SLX9: variants seen among roughly 807,000 people sequenced by gnomAD.
SLX9 encodes the protein ribosome biogenesis protein SLX9 homolog.
SLX9 carries 19 observed loss-of-function variants against 20.8 expected under a neutral mutation model. That is an observed-to-expected ratio of 0.91 (90% CI 0.64 to 1.34). The LOEUF (loss-of-function observed/expected upper bound fraction) is 1.34, where lower values mean the gene tolerates loss of function less well. Ranked by LOEUF, SLX9 falls within the 40% of genes most tolerant of loss-of-function variation. The pLI is 0.00. For synonymous variants in SLX9, 113 were observed against 137.1 expected (o/e 0.82, Z 1.23); for missense variants, 299 against 322.2 (o/e 0.93, Z 0.55).
chr21:44,971,771 C>G (rs1010321204), intron 4 of SLX9, among the ~76,000 whole-genome samples: 6 of 152,248 alleles, frequency 3.9e-5, no homozygotes, highest in African/African-American at 1.4e-4. Flanking sequence ...GAGGGAGCTG[C>G]TGCTCAGGGG....
intron 4 of SLX9, among the ~76,000 whole-genome samples, chr21:44,972,725 C>G (rs917646173): frequency 6.6e-6 from 1 of 152,170 alleles, no homozygotes; most frequent in Non-Finnish European, 1.5e-5. Context: ...CTCAGCCTTC[C>G]TGGGAAGTGG....
At chr21:44,970,866 ACCCTCAGTC>A (rs370181179) in intron 4 of SLX9, among the ~76,000 whole-genome samples, 1,846 of 152,002 alleles carry the variant, frequency 0.012, 35 homozygotes, top group African/African-American at 0.041. Flanking sequence ...GCCCCTCCCA[ACCCTCAGTC>A]CCCTCAGTCC....
At chr21:44,972,604 C>T (rs1259804632) in intron 4 of SLX9, among the ~76,000 whole-genome samples, 2 of 152,202 alleles carry the variant, frequency 1.3e-5, no homozygotes, top group Admixed American at 6.5e-5. Context: ...GGGTCCACGC[C>T]CCTGTCCCCA....
chr21:44,958,795 G>A (rs1007935364), intron 2 of SLX9, among the ~76,000 whole-genome samples: 2 of 152,186 alleles, frequency 1.3e-5, no homozygotes, highest in Admixed American at 1.3e-4. Flanking sequence ...TTTGGTTCCT[G>A]TTGTCCTGGT....
At chr21:44,963,758 A>G (rs555519450) in intron 3 of SLX9, among the ~76,000 whole-genome samples, 3 of 152,138 alleles carry the variant, frequency 2.0e-5, no homozygotes, top group East Asian at 3.8e-4. Flanking sequence ...CTTCTGTTCC[A>G]TTGATCTATT....
At chr21:44,967,357 G>A (rs2085057103) in intron 4 of SLX9, among the ~76,000 whole-genome samples, 176 bp downstream of exon 4, 1 of 152,212 alleles carries the variant, frequency 6.6e-6, no homozygotes, top group Non-Finnish European at 1.5e-5. Context: ...GTGAGCTCGT[G>A]AGGCCCGTGG....
At chr21:44,967,818 G>A (rs1275591751) in intron 4 of SLX9, among the ~76,000 whole-genome samples, 3 of 152,178 alleles carry the variant, frequency 2.0e-5, no homozygotes, top group Middle Eastern at 3.2e-3. Context: ...TGCCTCGTGC[G>A]TCCTCCCCAG....
intron 2 of SLX9, among the ~76,000 whole-genome samples, chr21:44,951,876 T>A (rs1444472275): frequency 6.7e-6 from 1 of 148,686 alleles, no homozygotes; most frequent in Non-Finnish European, 1.5e-5. Flanking sequence ...GCCCGTCGTG[T>A]GTGGGTTTAT....
intron 3 of SLX9, among the ~76,000 whole-genome samples, chr21:44,961,041 T>C (rs909394140): frequency 2.0e-5 from 3 of 152,228 alleles, no homozygotes. Flanking sequence ...TTTGTGATTA[T>C]TAGTTTTATG....
intron 4 of SLX9, among the ~76,000 whole-genome samples, chr21:44,970,623 C>T (rs2085126197): frequency 6.6e-6 from 1 of 152,298 alleles, no homozygotes; most frequent in Middle Eastern, 3.4e-3. Flanking sequence ...ATCTTGGTCC[C>T]GGCAGGCAGG....
intron 2 of SLX9, among the ~76,000 whole-genome samples, chr21:44,957,825 G>A (rs1405258649): frequency 6.6e-6 from 1 of 152,232 alleles, no homozygotes; most frequent in East Asian, 1.9e-4. Flanking sequence ...TCAGTTTAAT[G>A]GGGACTTGCC....
At chr21:44,970,741 C>G (rs1352495985) in intron 4 of SLX9, among the ~76,000 whole-genome samples, 1 of 152,214 alleles carries the variant, frequency 6.6e-6, no homozygotes, top group Non-Finnish European at 1.5e-5. Context: ...GCCTCTCCCT[C>G]CCAGCCTGGA....
chr21:44,957,512 C>T (rs2084880138), intron 2 of SLX9, among the ~76,000 whole-genome samples: 1 of 152,268 alleles, frequency 6.6e-6, no homozygotes, highest in African/African-American at 2.4e-5. Flanking sequence ...AGCTCAGATA[C>T]AGGCGCTGTG....
At chr21:44,969,084 C>T (rs2085093312) in intron 4 of SLX9, 1 of 441,386 alleles carries the variant, frequency 2.3e-6, no homozygotes, top group Non-Finnish European at 4.9e-6. Flanking sequence ...AATTTTCTTT[C>T]TCCTACTAAC....
At chr21:44,951,440 T>C (rs1270773560) in intron 2 of SLX9, among the ~76,000 whole-genome samples, 7 of 152,118 alleles carry the variant, frequency 4.6e-5, no homozygotes, top group Non-Finnish European at 1.0e-4. Flanking sequence ...ACCATCTGGA[T>C]CCAGGGGCTG....
chr21:44,974,154 G>A (rs774262920), intron 5 of SLX9, among the ~76,000 whole-genome samples: 11 of 152,172 alleles, frequency 7.2e-5, no homozygotes, highest in African/African-American at 2.4e-4. Flanking sequence ...CACATTTTAC[G>A]CCCTTGTAAG....
chr21:44,961,779 A>G (rs1377656572), intron 3 of SLX9, among the ~76,000 whole-genome samples: 1 of 152,130 alleles, frequency 6.6e-6, no homozygotes, highest in Non-Finnish European at 1.5e-5. Flanking sequence ...TTTGTCTTCA[A>G]AATTATTTGT....
chr21:44,950,811 C>T (rs1043130506), intron 2 of SLX9, among the ~76,000 whole-genome samples: 1 of 152,104 alleles, frequency 6.6e-6, no homozygotes, highest in Middle Eastern at 3.2e-3. Flanking sequence ...TCCTTGCCGG[C>T]GTCCTCAGGG....
At chr21:44,967,248 T>G in intron 4 of SLX9, 67 bp downstream of exon 4, 1 of 1,509,644 alleles carries the variant, frequency 6.6e-7, no homozygotes, top group Admixed American at 2.3e-5. Flanking sequence ...GGTGGAGGGA[T>G]ATGAGTGGGA....
Sources: allele counts gnomAD v4.1 joint callset (sites outside exome capture counted in the v4.1 genomes callset), GRCh38; gene constraint gnomAD v4.1.1; transcripts MANE v1.5; gene names NCBI Gene and HGNC (gene_info 2026-07-23, HGNC 2026-07-21).